The following STMN4 variants were observed in gnomAD, a reference collection of about 807,000 sequenced individuals.
STMN4 encodes stathmin-4.
In STMN4, 12 loss-of-function variants were observed where a neutral mutation model predicts 29.1. The observed-to-expected ratio is 0.41, with a 90% CI of 0.26 to 0.67. The LOEUF (loss-of-function observed/expected upper bound fraction) is 0.67, where lower values mean the gene tolerates loss of function less well. Ranked by LOEUF, STMN4 falls within the 30% of genes least tolerant of loss-of-function variation. The pLI, the probability that STMN4 is intolerant of heterozygous loss-of-function variation, is 0.30. For missense variants in STMN4, 181 were observed against 262.8 expected, an observed-to-expected ratio of 0.69 and a Z score of 2.15; for synonymous variants, 114 against 105.3, an observed-to-expected ratio of 1.08 and a Z score of -0.51.
intron 1 of STMN4, among the ~76,000 whole-genome samples, chr8:27,245,514 T>C (rs1801599818): frequency 6.6e-6 from 1 of 152,264 alleles, no homozygotes; most frequent in South Asian, 2.1e-4. Context: ...ACAATGGGTC[T>C]TCTCTCTGCA....
rs868499654 is a variant in STMN4 at position 27,241,900 on chromosome 8, G to A, written c.110-143C>T. 35 of 880,376 alleles carry A rather than the reference G, an allele frequency of 4.0e-5. No individual in the cohort carries two copies. The Middle Eastern group carries it at 5.0e-3, about 126-fold the overall frequency. 54.5% of individuals were successfully genotyped at this position (880,376 alleles called of 1,614,324 possible). Reference sequence around the variant, plus strand: ...CCCCTGGTGAGGACGTGGCCACCCAGTGCTCCCTGCTGGTGTCTTGGGGCT... The same window carrying A: ...CCCCTGGTGAGGACGTGGCCACCCAATGCTCCCTGCTGGTGTCTTGGGGCT... On this transcript the variant is annotated intron_variant, in intron 3 of 6. Coordinates refer to ENST00000350889, the MANE Select transcript of STMN4 (RefSeq NM_030795.4).
intron 1 of STMN4, among the ~76,000 whole-genome samples, chr8:27,247,424 G>A (rs1399344979): frequency 6.6e-6 from 1 of 152,200 alleles, no homozygotes; most frequent in Non-Finnish European, 1.5e-5. Context: ...GTGGGAAGCA[G>A]AGGGCACAGA....
chr8:27,255,584 T>G (rs1179992048), intron 1 of STMN4, among the ~76,000 whole-genome samples: 2 of 152,210 alleles, frequency 1.3e-5, no homozygotes. Context: ...TAGACACAAT[T>G]CTCCTCCTTT....
At chr8:27,242,147 G>T in intron 3 of STMN4, 1 of 578,384 alleles carries the variant, frequency 1.7e-6, no homozygotes, top group Non-Finnish European at 3.1e-6. Context: ...CTGGATGCAT[G>T]CACAGAGGTG....
chr8:27,244,695 T>C (rs1384471349), intron 1 of STMN4, among the ~76,000 whole-genome samples: 1 of 151,570 alleles, frequency 6.6e-6, no homozygotes, highest in Admixed American at 6.6e-5. Context: ...CGCCACTCAG[T>C]GTCCGTGGGA....
At position 27,235,652 on chromosome 8, in the gene STMN4, G is replaced by A. The variant is rs1801294254; in HGVS notation, c.*1194C>T. 1 of 152,206 alleles carries A rather than the reference G, an allele frequency of 6.6e-6. No individual in the cohort carries two copies. Among genetic ancestry groups the A allele is most frequent in the Admixed American group, 6.5e-5 (1 of 15,274 alleles). 9.4% of individuals were successfully genotyped at this position (152,206 alleles called of 1,614,324 possible). ...TGCTGTCTCCCCCAATATACAGGTT[G>A]AATCCTAATCCCGACACTACAGAAT... On this transcript the variant is annotated 3_prime_UTR_variant, in exon 7 of 7. Transcript: ENST00000350889.
Position 27,241,772 on chromosome 8 carries a change from C to T in STMN4, c.110-15G>A. On this transcript the variant is annotated splice_polypyrimidine_tract_variant and intron_variant, in intron 3 of 6. Coordinates refer to ENST00000350889, the MANE Select transcript of STMN4 (RefSeq NM_030795.4). ...CCCACACCAGCCTAGACAGAAAAAA[C>T]AACCTCAGGTCATCCGAGCATGCCT... 6.2e-7 allele frequency: 1 copy of T among 1,614,186 alleles called. No homozygotes were observed. Among genetic ancestry groups the T allele is most frequent in the Non-Finnish European group, 8.5e-7 (1 of 1,180,010 alleles).
intron 1 of STMN4, among the ~76,000 whole-genome samples, chr8:27,252,461 A>T (rs920805816): frequency 5.9e-5 from 9 of 152,122 alleles, no homozygotes; most frequent in South Asian, 2.1e-4. Context: ...CATCAAAAAA[A>T]ATTTTTTAAG....
intron 6 of STMN4, chr8:27,239,234 G>A (rs1185530806): frequency 4.6e-6 from 7 of 1,535,464 alleles, no homozygotes; most frequent in East Asian, 2.4e-5. Context: ...ACCATGGGAC[G>A]AGGCCACCGA....
intron 1 of STMN4, among the ~76,000 whole-genome samples, chr8:27,245,931 C>G (rs900556477): frequency 2.0e-5 from 3 of 152,234 alleles, no homozygotes; most frequent in Admixed American, 2.0e-4. Flanking sequence ...GCTGACAAGA[C>G]AGGCATCATC....
In STMN4 at chr8:27,241,469, T is replaced by A. The variant is rs184890526; in HGVS notation, c.191-207A>T. Among the ~76,000 whole-genome samples the A allele has an allele frequency of 2.3e-3, 352 of 152,322 alleles. 1 individual carries two copies. The highest frequency in any genetic ancestry group is 6.8e-3 in the Middle Eastern group (2 of 294). On this transcript the variant is annotated intron_variant, in intron 4 of 6. Coordinates refer to ENST00000350889, the MANE Select transcript of STMN4 (RefSeq NM_030795.4). ...TTGTAGCAACAGTGAGGCTTCAGCC[T>A]GCAAGAATAGGGGGCCCCAGGCAAT... is the stretch of plus-strand genomic sequence containing the variant.
chr8:27,249,056 T>C (rs2130126965), intron 1 of STMN4, among the ~76,000 whole-genome samples: 1 of 152,264 alleles, frequency 6.6e-6, no homozygotes, highest in South Asian at 2.1e-4. Context: ...GCTTGAACCA[T>C]TAGCATAATT....
At chr8:27,248,778 C>G (rs1038048307) in intron 1 of STMN4, among the ~76,000 whole-genome samples, 3 of 152,128 alleles carry the variant, frequency 2.0e-5, no homozygotes, top group African/African-American at 7.2e-5. Context: ...CATTGGAAAG[C>G]CTCTCTGTCT....
intron 1 of STMN4, among the ~76,000 whole-genome samples, chr8:27,255,867 C>A (rs541633116): frequency 6.6e-6 from 1 of 152,158 alleles, no homozygotes; most frequent in Admixed American, 6.6e-5. Context: ...ACACTTTCAC[C>A]GTCCCTCCAC....
intron 6 of STMN4, among the ~76,000 whole-genome samples, chr8:27,238,779 T>A (rs1172639156): frequency 6.6e-6 from 1 of 152,220 alleles, no homozygotes. Flanking sequence ...ATCTGCAAAA[T>A]AAGGATAACA....
intron 1 of STMN4, among the ~76,000 whole-genome samples, chr8:27,250,460 G>C (rs1272807980): frequency 6.6e-6 from 1 of 152,230 alleles, no homozygotes; most frequent in African/African-American, 2.4e-5. Context: ...GTCCCTGGAT[G>C]GGTATCTAGA....
intron 1 of STMN4, among the ~76,000 whole-genome samples, chr8:27,254,703 CAT>C (rs1252370557): frequency 2.0e-4 from 26 of 126,952 alleles, no homozygotes; most frequent in African/African-American, 6.6e-4. Flanking sequence ...TGGGAGCACT[CAT>C]ATATGTGTGT....
chr8:27,249,441 A>G (rs1300060350), intron 1 of STMN4, among the ~76,000 whole-genome samples: 5 of 152,168 alleles, frequency 3.3e-5, no homozygotes, highest in African/African-American at 1.2e-4. Flanking sequence ...CTTGCATTGT[A>G]TACATCAGTC....
intron 4 of STMN4, 102 bp downstream of exon 4, chr8:27,241,575 G>A (rs1801472833): frequency 5.8e-6 from 8 of 1,387,750 alleles, no homozygotes; most frequent in African/African-American, 5.7e-5. Flanking sequence ...TCAATTTGTC[G>A]TCCGTGGTGA....
Sources: gnomAD v4.1 joint callset for allele counts (sites outside exome capture counted in the v4.1 genomes callset) on GRCh38, gnomAD v4.1.1 for gene constraint, MANE v1.5 for transcripts, NCBI Gene and HGNC (gene_info 2026-07-23, HGNC 2026-07-21) for gene names.